CACNA1C: variants seen among roughly 807,000 people sequenced by gnomAD.
The protein encoded by CACNA1C is calcium voltage-gated channel subunit alpha1 C.
In CACNA1C, 30 loss-of-function variants were observed where a neutral mutation model predicts 229.0. The ratio of observed to expected loss-of-function variants is 0.13; its 90% CI spans 0.10 to 0.18. The LOEUF is 0.18. Among genes scored for constraint, CACNA1C ranks in the 10% least tolerant of loss-of-function variants. The pLI is 1.00. For synonymous variants in CACNA1C, 1,114 were observed against 1,132.5 expected (o/e 0.98, Z 0.33); for missense variants, 1,658 against 2,845.0 (o/e 0.58, Z 9.49).
chr12:2,565,847 G>A (rs577183603), intron 11 of CACNA1C, among the ~76,000 whole-genome samples: 30 of 152,360 alleles, frequency 2.0e-4, no homozygotes, highest in African/African-American at 7.2e-4. Flanking sequence ...GGCACACACA[G>A]TCAGGGCCAA....
At chr12:2,189,864 A>G (rs977897974) in intron 3 of CACNA1C, among the ~76,000 whole-genome samples, 1 of 152,230 alleles carries the variant, frequency 6.6e-6, no homozygotes, top group African/African-American at 2.4e-5. Flanking sequence ...GAAGATGCAG[A>G]TCCCTTGAGA....
intron 3 of CACNA1C, 93 bp from the exon 4 acceptor site, chr12:2,448,883 C>T: frequency 9.1e-7 from 1 of 1,094,836 alleles, no homozygotes; most frequent in Admixed American, 2.4e-5. Flanking sequence ...GCAGCATTAT[C>T]TTCCACCTAC....
intron 29 of CACNA1C, 63 bp downstream of exon 29, chr12:2,612,076 G>A: frequency 2.0e-6 from 2 of 996,408 alleles, no homozygotes; most frequent in East Asian, 2.4e-5. Flanking sequence ...GGGGAGGTGG[G>A]GTGCAGGTAT....
At chr12:2,405,427 CA>C (rs1445629046) in intron 3 of CACNA1C, among the ~76,000 whole-genome samples, 1 of 152,232 alleles carries the variant, frequency 6.6e-6, no homozygotes, top group African/African-American at 2.4e-5. Flanking sequence ...TCCTCCTCAT[CA>C]TCCCTAACCC....
At chr12:2,065,632 G>A (rs1298569673) in intron 1 of CACNA1C, among the ~76,000 whole-genome samples, 1 of 152,168 alleles carries the variant, frequency 6.6e-6, no homozygotes, top group Non-Finnish European at 1.5e-5. Context: ...GAACATGCTT[G>A]ATGTTACAAG....
intron 34 of CACNA1C, among the ~76,000 whole-genome samples, chr12:2,655,726 A>C (rs1262402057): frequency 2.0e-5 from 3 of 152,230 alleles, no homozygotes; most frequent in Non-Finnish European, 2.9e-5. Context: ...ACTGAATCCA[A>C]TAGTACATGA....
At chr12:2,327,231 T>C (rs768903296) in intron 3 of CACNA1C, among the ~76,000 whole-genome samples, 2 of 152,276 alleles carry the variant, frequency 1.3e-5, no homozygotes, top group Non-Finnish European at 2.9e-5. Context: ...ATTGAGGTCC[T>C]GGATGCTGAA....
intron 3 of CACNA1C, among the ~76,000 whole-genome samples, chr12:2,372,110 C>A (rs1048287174): frequency 6.6e-6 from 1 of 152,008 alleles, no homozygotes; most frequent in Non-Finnish European, 1.5e-5. Flanking sequence ...CAGTGAAACC[C>A]CTCGTTATAA....
At chr12:2,191,388 C>A (rs1031694980) in intron 3 of CACNA1C, among the ~76,000 whole-genome samples, 1 of 152,170 alleles carries the variant, frequency 6.6e-6, no homozygotes, top group African/African-American at 2.4e-5. Flanking sequence ...ACCGGCATCA[C>A]CTGGGGACTG....
In CACNA1C at chr12:2,343,786, G is replaced by A. The variant is rs111855741; in HGVS notation, c.478-105190G>A. Among the ~76,000 whole-genome samples the A allele has an allele frequency of 3.0e-3, 455 of 152,302 alleles. 3 individuals are homozygous for A. The highest frequency in any genetic ancestry group is 8.9e-3 in the African/African-American group (371 of 41,550). On this transcript the variant is annotated intron_variant, in intron 3 of 46. Coordinates refer to ENST00000399655, the MANE Select transcript of CACNA1C (RefSeq NM_000719.7). Reference sequence around the variant, plus strand: ...TTACAGGGCAGTAGGGAAATGATGTGGCCGCTAGCTGCAGAAAGAGCAACT... The same window carrying A: ...TTACAGGGCAGTAGGGAAATGATGTAGCCGCTAGCTGCAGAAAGAGCAACT...
At chr12:2,427,737 T>G (rs780836094) in intron 3 of CACNA1C, among the ~76,000 whole-genome samples, 4 of 152,194 alleles carry the variant, frequency 2.6e-5, no homozygotes, top group Admixed American at 6.5e-5. Context: ...TTCTCCTGCC[T>G]CAGCCTCCCA....
chr12:2,380,983 A>T (rs1444379242), intron 3 of CACNA1C, among the ~76,000 whole-genome samples: 1 of 151,832 alleles, frequency 6.6e-6, no homozygotes, highest in African/African-American at 2.4e-5. Context: ...GGGGAGGGGG[A>T]CTGAGGTGTG....
intron 3 of CACNA1C, among the ~76,000 whole-genome samples, chr12:2,365,850 G>GTGAA (rs1260626350): frequency 6.6e-6 from 1 of 152,200 alleles, no homozygotes; most frequent in Non-Finnish European, 1.5e-5. Flanking sequence ...GTGGGAATGG[G>GTGAA]TGAATTGAGA....
intron 3 of CACNA1C, among the ~76,000 whole-genome samples, chr12:2,232,331 A>C (rs182271732): frequency 1.5e-3 from 221 of 147,324 alleles, no homozygotes; most frequent in African/African-American, 5.5e-3. Context: ...ATGTCTCTTA[A>C]TCTGGGTTTG....
chr12:2,439,195 G>A (rs1167370580), intron 3 of CACNA1C, among the ~76,000 whole-genome samples: 1 of 152,200 alleles, frequency 6.6e-6, no homozygotes, highest in Non-Finnish European at 1.5e-5. Context: ...TGGAGAAGGG[G>A]CTTCTGCCCT....
At chr12:2,452,514 A>G (rs2099388256) in intron 4 of CACNA1C, among the ~76,000 whole-genome samples, 1 of 152,264 alleles carries the variant, frequency 6.6e-6, no homozygotes, top group South Asian at 2.1e-4. Flanking sequence ...GCCGGACTAC[A>G]GATCTGCCAG....
chr12:1,975,003 A>T (rs1228688767), intron 1 of CACNA1C, among the ~76,000 whole-genome samples: 2 of 152,170 alleles, frequency 1.3e-5, no homozygotes, highest in African/African-American at 4.8e-5. Context: ...TGATAGGAAT[A>T]GCTCTGCTGA....
chr12:2,253,526 G>A (rs1389844952), intron 3 of CACNA1C, among the ~76,000 whole-genome samples: 7 of 152,234 alleles, frequency 4.6e-5, no homozygotes, highest in Non-Finnish European at 2.9e-5. Flanking sequence ...CCCCACCAGG[G>A]TACTATTTGC....
intron 3 of CACNA1C, among the ~76,000 whole-genome samples, chr12:2,251,755 T>C (rs2075681915): frequency 6.6e-6 from 1 of 152,228 alleles, no homozygotes; most frequent in Non-Finnish European, 1.5e-5. Flanking sequence ...AATGGAGTCT[T>C]CCTAGTTTCC....
Sources: gnomAD v4.1 joint callset for allele counts (sites outside exome capture counted in the v4.1 genomes callset) on GRCh38, gnomAD v4.1.1 for gene constraint, MANE v1.5 for transcripts, NCBI Gene and HGNC (gene_info 2026-07-23, HGNC 2026-07-21) for gene names.